Variants in ZNF717 observed in about 807,000 individuals in gnomAD.
The protein encoded by ZNF717 is krueppel-like factor X17.
A neutral mutation model predicts 13.8 loss-of-function variants in ZNF717; 9 were observed. The ratio of observed to expected loss-of-function variants is 0.65; its 90% CI spans 0.39 to 1.14. ZNF717 has a LOEUF of 1.14. Ranked by LOEUF, ZNF717 falls within the 50% of genes most tolerant of loss-of-function variation. ZNF717 has a pLI of 0.01. For synonymous variants in ZNF717, 327 were observed against 364.1 expected (o/e 0.90, Z 1.16); for missense variants, 1,040 against 1,080.7 (o/e 0.96, Z 0.53).
chr3:75,697,376 G>A (rs1937615085), intron 6 of ZNF717, among the ~76,000 whole-genome samples: 1 of 152,310 alleles, frequency 6.6e-6, no homozygotes, highest in South Asian at 2.1e-4. Flanking sequence ...CTGGTGAAAG[G>A]TGATTTAATC....
At chr3:75,733,824 T>A, downstream of ZNF717, among the ~76,000 whole-genome samples, 11 of 99,478 alleles carry the variant, frequency 1.1e-4, no homozygotes, top group Admixed American at 3.0e-4. Flanking sequence ...CTCAGAACCA[T>A]GAAAGTAAAA....
intron 2 of ZNF717, among the ~76,000 whole-genome samples, chr3:75,771,814 C>T (rs1943908868): frequency 6.6e-6 from 1 of 152,256 alleles, no homozygotes; most frequent in South Asian, 2.1e-4. Context: ...TCTCTGCACT[C>T]TCAGAGGCCC....
downstream of ZNF717, among the ~76,000 whole-genome samples, chr3:75,726,282 A>G (rs1427735665): frequency 1.3e-5 from 2 of 152,280 alleles, no homozygotes; most frequent in Non-Finnish European, 2.9e-5. Context: ...AGTTGTAAAT[A>G]GAAGACCAAA....
chr3:75,758,482 T>TA (rs1942691044), intron 2 of ZNF717, among the ~76,000 whole-genome samples: 1 of 147,406 alleles, frequency 6.8e-6, no homozygotes, highest in Admixed American at 6.8e-5. Flanking sequence ...CAATAATACA[T>TA]AAACTTAGTT....
intron 2 of ZNF717, among the ~76,000 whole-genome samples, chr3:75,760,859 TTTG>T (rs796803715): frequency 6.7e-6 from 1 of 148,792 alleles, no homozygotes; most frequent in Non-Finnish European, 1.5e-5. Context: ...AAACACTGAG[TTTG>T]TTTTTTTAAA....
chr3:75,769,287 C>T (rs2107631090), intron 2 of ZNF717, among the ~76,000 whole-genome samples: 1 of 152,212 alleles, frequency 6.6e-6, no homozygotes, highest in East Asian at 1.9e-4. Context: ...CTGACGATGC[C>T]AGACTGGGAG....
At chr3:75,714,069 G>T (rs1377353589) in intron 5 of ZNF717, among the ~76,000 whole-genome samples, 20 of 152,132 alleles carry the variant, frequency 1.3e-4, no homozygotes, top group Non-Finnish European at 2.8e-4. Context: ...AGGTGAGCCA[G>T]GCATACAGGA....
chr3:75,755,981 G>T (rs1439645552), intron 2 of ZNF717, among the ~76,000 whole-genome samples: 1 of 44,126 alleles, frequency 2.3e-5, no homozygotes, highest in Non-Finnish European at 7.8e-5. Context: ...TCGTTTCACT[G>T]CACTTGCTTT....
rs1263580916 is a variant in ZNF717, at chr3:75,738,851, G to T, written c.772C>A (p.Gln258Lys). The T allele has an allele frequency of 2.7e-5, 42 of 1,551,236 alleles. No homozygotes were observed. Among genetic ancestry groups the T allele is most frequent in the Non-Finnish European group, 3.6e-5 (41 of 1,147,020 alleles). ...CTACAGCAAGTTGGCTGTCCTACCT[G>T]AGTTATCACTTGGACAATAACAGCT... ...NSAVIVQVIT[Q>K]VGQPTCCRKS... Residue 258 changes from glutamine (Q) to lysine (K), a missense_variant, in exon 5 of 5, where the codon CAG (glutamine) becomes AAG (lysine). Gln to Lys is a moderately conservative substitution (Grantham distance 53). This residue lies in a region of ZNF717 where 873 missense variants were observed against 832.8 expected (regional missense o/e 1.05). Coordinates refer to ENST00000652011, the MANE Select transcript of ZNF717 (RefSeq NM_001290208.3).
chr3:75,725,239 C>T (rs201003899), downstream of ZNF717, among the ~76,000 whole-genome samples: 7 of 48,532 alleles, frequency 1.4e-4, no homozygotes, highest in East Asian at 8.9e-4. Context: ...TTATCTTGTT[C>T]GCTTCCAGAC....
intron 2 of ZNF717, among the ~76,000 whole-genome samples, chr3:75,755,130 C>A (rs913996330): frequency 2.6e-5 from 4 of 152,160 alleles, no homozygotes; most frequent in Admixed American, 6.5e-5. Flanking sequence ...GAATTAAGGC[C>A]TTCCTCAGAA....
At chr3:75,734,566 G>A (rs1342647313), downstream of ZNF717, among the ~76,000 whole-genome samples, 1 of 151,194 alleles carries the variant, frequency 6.6e-6, no homozygotes, top group Non-Finnish European at 1.5e-5. Flanking sequence ...CCGAGTAGCT[G>A]GGACAACAGA....
chr3:75,717,549 T>C (rs1162674301), intron 4 of ZNF717, among the ~76,000 whole-genome samples: 2 of 152,192 alleles, frequency 1.3e-5, no homozygotes, highest in African/African-American at 2.4e-5. Flanking sequence ...CTAAGGCACA[T>C]ACAATGTGAC....
rs1939670834 is a variant in ZNF717 at position 75,738,003 on chromosome 3, A to T, written c.1620T>A (p.Cys540Ter). The T allele has an allele frequency of 7.4e-7, 1 of 1,343,214 alleles. No homozygotes were observed. The allele number at this position is 1,343,214 out of a possible 1,614,324, so 83.2% of individuals were successfully genotyped here. A position where few individuals can be genotyped will look rare whatever the true frequency, so the allele number is the denominator to read the frequency against. Residue 540 changes from cysteine (C) to a stop codon, truncating the protein, a stop_gained, in exon 5 of 5, where the codon TGT becomes TGA. Transcript: ENST00000652011. LOFTEE classifies it low-confidence loss of function (END_TRUNC). The stretch of plus-strand genomic sequence containing the variant: ...ATGACTTGTGGCTATATGTTTTTCC[A>T]CATTCGTTACATGCGTATGGTTTTT... Reference protein sequence around the residue: ...AGEKPYACNECGKTYSHKSYL... With the variant: ...AGEKPYACNE
chr3:75,733,023 T>G (rs62250093), downstream of ZNF717, among the ~76,000 whole-genome samples: 1 of 120,390 alleles, frequency 8.3e-6, no homozygotes, highest in Admixed American at 8.6e-5. Context: ...AGCAGAGAGA[T>G]AGAAGTCCAA....
In ZNF717 at chr3:75,741,662, C is replaced by G; in HGVS notation, c.132G>C (p.Arg44Ser). ...CCAGCATCACGTCCCTGTACAGGGT[C>G]CTCTGAGCATCATCCAGGTCCTGCC... is the stretch of plus-strand genomic sequence containing the variant. ...EEWQDLDDAQ[R>S]TLYRDVMLET... The change falls in exon 3 of 5, where the codon AGG (arginine) becomes AGC (serine). Residue 44 changes from arginine (R) to serine (S), a missense_variant. By Grantham distance (110) the Arg-to-Ser change is moderately radical. Transcript: ENST00000652011. The G allele has an allele frequency of 6.3e-7, 1 of 1,597,136 alleles. No individual in the cohort carries two copies. The highest frequency in any genetic ancestry group is 8.5e-7 in the Non-Finnish European group (1 of 1,170,204).
downstream of ZNF717, among the ~76,000 whole-genome samples, chr3:75,732,300 G>A (rs1185421528): frequency 5.9e-5 from 9 of 152,246 alleles, no homozygotes; most frequent in Non-Finnish European, 1.5e-5. Context: ...CATCCCTAAA[G>A]GGGAAGATAA....
intron 5 of ZNF717, among the ~76,000 whole-genome samples, chr3:75,715,240 A>C (rs1405416318): frequency 6.6e-6 from 1 of 152,240 alleles, no homozygotes; most frequent in Non-Finnish European, 1.5e-5. Flanking sequence ...CTGGGACTCA[A>C]TAAATTGTAT....
At chr3:75,775,448 T>C (rs1201882061) in intron 2 of ZNF717, among the ~76,000 whole-genome samples, 1 of 152,224 alleles carries the variant, frequency 6.6e-6, no homozygotes, top group Non-Finnish European at 1.5e-5. Context: ...CATGAAAGAA[T>C]GAAAAGGACC....
Sources: gnomAD v4.1 joint callset for allele counts (sites outside exome capture counted in the v4.1 genomes callset) on GRCh38, gnomAD v4.1.1 for gene constraint, gnomAD v4.1.1 regional missense constraint, MANE v1.5 for transcripts, NCBI Gene and HGNC (gene_info 2026-07-23, HGNC 2026-07-21) for gene names.